The following CCZ1B variants were observed in gnomAD, a reference collection of about 807,000 sequenced individuals.
CCZ1B encodes CCZ1B vacuolar protein trafficking and biogenesis associated.
Under a neutral mutation model 58.8 loss-of-function variants are expected in CCZ1B, and 25 were observed. The ratio of observed to expected loss-of-function variants is 0.43; its 90% confidence interval spans 0.31 to 0.59. CCZ1B has a LOEUF of 0.59. Among genes scored for constraint, CCZ1B ranks in the 20% least tolerant of loss-of-function variants. The pLI, the probability that CCZ1B is intolerant of heterozygous loss-of-function variation, is 0.12. For synonymous variants in CCZ1B, 66 were observed against 173.2 expected (o/e 0.38, Z 4.86); for missense variants, 180 against 501.5 (o/e 0.36, Z 6.12).
In CCZ1B at chr7:6,826,114, G is replaced by C; in HGVS notation, c.84C>G (p.Phe28Leu). 1 of 943,756 alleles carries C rather than the reference G, an allele frequency of 1.1e-6. No individual in the cohort carries two copies. The highest frequency in any genetic ancestry group is 1.5e-6 in the Non-Finnish European group (1 of 678,546). 58.5% of individuals were successfully genotyped at this position (943,756 alleles called of 1,614,324 possible). ...GCGGCCCGAAGCGCGGGTTGTAGAT[G>C]AAGAAACTCAGCAGCGCCGGCGGGA... ...KQFPPALLSF[F>L]IYNPRFGPRE... Residue 28 changes from phenylalanine (F) to leucine (L), a missense_variant, in exon 1 of 15, where the codon TTC becomes TTG. Phe to Leu is a conservative substitution (Grantham distance 22, BLOSUM62 0). Coordinates refer to ENST00000316731, the MANE Select transcript of CCZ1B (RefSeq NM_198097.5).
chr7:6,819,123 G>GAAAAAAAAA (rs1173368085), intron 7 of CCZ1B, among the ~76,000 whole-genome samples: 4 of 65,658 alleles, frequency 6.1e-5, no homozygotes, highest in African/African-American at 2.7e-4. Flanking sequence ...ATCTCTATAA[G>GAAAAAAAAA]AAAAAAAAAA....
chr7:6,803,781 G>GT (rs1782794635), intron 12 of CCZ1B, among the ~76,000 whole-genome samples: 1 of 150,998 alleles, frequency 6.6e-6, no homozygotes, highest in Admixed American at 6.6e-5. Context: ...GACCAACATG[G>GT]TAAAACCCAG....
At chr7:6,813,412 C>G (rs1183249519) in intron 8 of CCZ1B, among the ~76,000 whole-genome samples, 1 of 149,016 alleles carries the variant, frequency 6.7e-6, no homozygotes, top group Non-Finnish European at 1.5e-5. Flanking sequence ...ATGACGAGAT[C>G]CCATCTCTAC....
chr7:6,810,529 T>A (rs1171747374), intron 10 of CCZ1B, among the ~76,000 whole-genome samples: 1 of 147,762 alleles, frequency 6.8e-6, no homozygotes, highest in Non-Finnish European at 1.5e-5. Flanking sequence ...CATAGCTCAT[T>A]ACATCCTCCA....
intron 4 of CCZ1B, chr7:6,823,722 T>C (rs1472856183): frequency 2.3e-6 from 1 of 443,006 alleles, no homozygotes; most frequent in Non-Finnish European, 3.8e-6. Flanking sequence ...TTCCGCCATA[T>C]TGGCCAGGCT....
Position 6,818,545 on chromosome 7 carries a change from TAGAA to T in CCZ1B, c.698+1217_698+1220del, listed in dbSNP as rs1190526094. Among the ~76,000 whole-genome samples, 71 of 139,864 alleles carry T rather than the reference TAGAA, an allele frequency of 5.1e-4. 1 individual carries two copies. The highest frequency in any genetic ancestry group is 1.0e-3 in the East Asian group (5 of 4,974). 91.8% of individuals were successfully genotyped at this position (139,864 alleles called of 152,430 possible). A position where few individuals can be genotyped will look rare whatever the true frequency, so the allele number is the denominator to read the frequency against. ...GCCTGGCAACAGAGTGAGACTCCGT[TAGAA>T]AGAAAGAAAGAAAGACAGAAAGAAA... On this transcript the variant is annotated intron_variant, in intron 7 of 14. Coordinates refer to ENST00000316731, the MANE Select transcript of CCZ1B (RefSeq NM_198097.5).
At chr7:6,821,799 G>T (rs1783115419) in intron 6 of CCZ1B, among the ~76,000 whole-genome samples, 1 of 150,656 alleles carries the variant, frequency 6.6e-6, no homozygotes, top group Non-Finnish European at 1.5e-5. Context: ...AAAGAGGACA[G>T]CACTTGGAAC....
At chr7:6,812,572 T>C (rs1782934004) in intron 9 of CCZ1B, 1 of 283,862 alleles carries the variant, frequency 3.5e-6, no homozygotes, top group Admixed American at 5.0e-5. Context: ...CTTTCCTTTG[T>C]TGATTACTGT....
intron 8 of CCZ1B, among the ~76,000 whole-genome samples, chr7:6,813,520 C>T (rs759391714): frequency 1.3e-5 from 2 of 149,040 alleles, no homozygotes; most frequent in East Asian, 1.9e-4. Flanking sequence ...TGAGACCATC[C>T]GAGTCAACAA....
At position 6,819,047 on chromosome 7, in the gene CCZ1B, G is replaced by T. The variant is rs942749674; in HGVS notation, c.698+719C>A. On this transcript the variant is annotated intron_variant, in intron 7 of 14. Coordinates refer to ENST00000316731, the MANE Select transcript of CCZ1B (RefSeq NM_198097.5). ...TGCCTGTAATCCCAGCACTTTGGGA[G>T]GCTGAGGCGGGTGGATCGCTTGAGG... Among the ~76,000 whole-genome samples, 26 of 144,280 alleles carry T rather than the reference G, an allele frequency of 1.8e-4. 2 individuals carry two copies. Among genetic ancestry groups the T allele is most frequent in the African/African-American group, 7.0e-4 (26 of 37,318 alleles). 94.7% of individuals were successfully genotyped at this position (144,280 alleles called of 152,430 possible). A position where few individuals can be genotyped will look rare whatever the true frequency, so the allele number is the denominator to read the frequency against.
chr7:6,820,888 C>T (rs1303342529), intron 6 of CCZ1B, among the ~76,000 whole-genome samples: 1 of 142,510 alleles, frequency 7.0e-6, no homozygotes, highest in African/African-American at 2.7e-5. Flanking sequence ...GCACTCTAGC[C>T]TGGGTGACAA....
chr7:6,820,647 C>G (rs1156760610), intron 6 of CCZ1B, among the ~76,000 whole-genome samples: 1 of 148,862 alleles, frequency 6.7e-6, no homozygotes, highest in Non-Finnish European at 1.5e-5. Context: ...CCTGGCCAGG[C>G]ACAGCGGCTC....
chr7:6,813,677 T>A (rs1204400760), intron 8 of CCZ1B, among the ~76,000 whole-genome samples: 1 of 149,500 alleles, frequency 6.7e-6, no homozygotes, highest in Non-Finnish European at 1.5e-5. Context: ...CACAGTGATA[T>A]CATTTAAAAG....
rs531242326 is a variant in CCZ1B at position 6,823,002 on chromosome 7, T to TGC, written c.438+309_438+310dup. ...ATTACAGGTGTGATCCACTGTGCCC[T>TGC]GCCTCACTGAAACTTTTAAATCATA... On this transcript the variant is annotated intron_variant, in intron 5 of 14. Transcript: ENST00000316731. Among the ~76,000 whole-genome samples, 188 of 147,126 alleles carry TGC rather than the reference T, an allele frequency of 1.3e-3. 4 individuals are homozygous for TGC. Among genetic ancestry groups the TGC allele is most frequent in the African/African-American group, 4.6e-3 (176 of 38,488 alleles).
At chr7:6,821,282 T>A (rs1783106105) in intron 6 of CCZ1B, among the ~76,000 whole-genome samples, 2 of 149,858 alleles carry the variant, frequency 1.3e-5, no homozygotes. Flanking sequence ...AGTGCTGGGA[T>A]TACAGGCGTA....
intron 5 of CCZ1B, among the ~76,000 whole-genome samples, chr7:6,822,622 A>G (rs1228621234): frequency 6.7e-6 from 1 of 148,914 alleles, no homozygotes; most frequent in Non-Finnish European, 1.5e-5. Context: ...TTAAGTTTCA[A>G]TTTACATACA....
intron 7 of CCZ1B, among the ~76,000 whole-genome samples, chr7:6,815,154 A>T (rs116997173): frequency 0.18 from 26,647 of 145,386 alleles, 3,413 homozygotes; most frequent in South Asian, 0.37. Flanking sequence ...ATTTTTTATT[A>T]AAAAAAAATT....
chr7:6,811,472 T>G (rs1317949437), intron 10 of CCZ1B: 358 of 143,216 alleles, frequency 2.5e-3, no homozygotes, highest in African/African-American at 9.8e-3. Context: ...TGCTCCGTCT[T>G]CTTTCTTGAA....
chr7:6,810,715 C>T (rs1046342594), intron 10 of CCZ1B, among the ~76,000 whole-genome samples: 2 of 149,666 alleles, frequency 1.3e-5, no homozygotes, highest in African/African-American at 5.0e-5. Context: ...CTTGGCCTCC[C>T]AAAGTGCTGG....
Sources: allele counts gnomAD v4.1 joint callset (sites outside exome capture counted in the v4.1 genomes callset), GRCh38; gene constraint gnomAD v4.1.1; transcripts MANE v1.5; gene names NCBI Gene and HGNC (gene_info 2026-07-23, HGNC 2026-07-21).